NOL4: variants seen among roughly 807,000 people sequenced by gnomAD.
NOL4 encodes the protein nucleolar protein 4, also known as cancer/testis antigen 125.
Under a neutral mutation model 75.9 loss-of-function variants are expected in NOL4, and 17 were observed. The ratio of observed to expected loss-of-function variants is 0.22; its 90% CI spans 0.15 to 0.34. NOL4 has a LOEUF of 0.34. Among genes scored for constraint, NOL4 ranks in the 10% least tolerant of loss-of-function variants. NOL4 has a pLI of 1.00. For synonymous variants in NOL4, 292 were observed against 289.9 expected (o/e 1.01, Z -0.07); for missense variants, 614 against 793.5 (o/e 0.77, Z 2.72).
Position 33,860,156 on chromosome 18 carries a change from G to C in NOL4, c.1724-7121C>G, listed in dbSNP as rs565902284. Among the ~76,000 whole-genome samples, 10 of 152,106 alleles carry C rather than the reference G, an allele frequency of 6.6e-5. No individual in the cohort carries two copies. In the South Asian group the frequency reaches 2.1e-3, roughly 32 times the overall value. ...GTGAAAACTCACTATCATGAGAAAA[G>C]CATGGGGGAAACCACCCCCATGGTC... On this transcript the variant is annotated intron_variant, in intron 10 of 10. Coordinates refer to ENST00000261592, the MANE Select transcript of NOL4 (RefSeq NM_003787.5).
intron 6 of NOL4, among the ~76,000 whole-genome samples, chr18:33,962,593 T>G (rs2070238703): frequency 6.6e-6 from 1 of 152,202 alleles, no homozygotes; most frequent in Non-Finnish European, 1.5e-5. Context: ...AGAACAGATC[T>G]CTGACATTAA....
At chr18:33,904,187 G>A (rs1484568198) in intron 9 of NOL4, among the ~76,000 whole-genome samples, 2 of 152,058 alleles carry the variant, frequency 1.3e-5, no homozygotes, top group African/African-American at 4.8e-5. Flanking sequence ...AGTCATTTGG[G>A]TCTAACTCTC....
chr18:33,985,825 T>A (rs1600153714), intron 6 of NOL4, among the ~76,000 whole-genome samples: 2 of 152,248 alleles, frequency 1.3e-5, no homozygotes, highest in Admixed American at 1.3e-4. Flanking sequence ...AATGCAAAGT[T>A]CTGACTTCCT....
chr18:34,214,189 C>T (rs1256657469), intron 1 of NOL4, among the ~76,000 whole-genome samples: 3 of 152,020 alleles, frequency 2.0e-5, no homozygotes, highest in Non-Finnish European at 4.4e-5. Flanking sequence ...ATAAGGTATT[C>T]AAATTGGTAT....
rs758087568 is a variant in NOL4, at chr18:34,019,618, G to A, written c.773-17C>T. 2.5e-6 allele frequency: 4 copies of A among 1,600,342 alleles called. No homozygotes were observed. In the South Asian group the frequency reaches 4.5e-5, roughly 18 times the overall value. ...CAGAATCATCTGTTGGAAAGGAAAA[G>A]TTATATTTTGATTTTAATTAATATG... is the stretch of plus-strand genomic sequence containing the variant. On this transcript the variant is annotated splice_polypyrimidine_tract_variant and intron_variant, in intron 5 of 10. Coordinates refer to ENST00000261592, the MANE Select transcript of NOL4 (RefSeq NM_003787.5).
chr18:34,016,479 A>C (rs2074700528), intron 6 of NOL4, among the ~76,000 whole-genome samples: 1 of 152,036 alleles, frequency 6.6e-6, no homozygotes. Flanking sequence ...GAGCCGCTTT[A>C]TACTTCATCC....
intron 1 of NOL4, among the ~76,000 whole-genome samples, chr18:34,206,947 CCA>C (rs1335791844): frequency 6.6e-6 from 1 of 151,932 alleles, no homozygotes; most frequent in East Asian, 1.9e-4. Flanking sequence ...TCTATTGAGT[CCA>C]TGAATTTTAA....
At chr18:34,069,368 A>G (rs1388342472) in intron 5 of NOL4, among the ~76,000 whole-genome samples, 1 of 152,214 alleles carries the variant, frequency 6.6e-6, no homozygotes, top group Non-Finnish European at 1.5e-5. Flanking sequence ...AGATTGTAAA[A>G]TCAAGTGGAA....
intron 1 of NOL4, among the ~76,000 whole-genome samples, chr18:34,192,694 G>A (rs143275139): frequency 6.6e-6 from 1 of 152,278 alleles, no homozygotes; most frequent in African/African-American, 2.4e-5. Context: ...ATCTCACACT[G>A]CTATTGCTTA....
intron 9 of NOL4, among the ~76,000 whole-genome samples, chr18:33,907,063 C>A (rs2066094077): frequency 6.6e-6 from 1 of 152,048 alleles, no homozygotes; most frequent in South Asian, 2.1e-4. Context: ...GTGGCTCACG[C>A]CTGTAATCCC....
chr18:34,069,080 T>C (rs916017962), intron 5 of NOL4, among the ~76,000 whole-genome samples: 7 of 152,154 alleles, frequency 4.6e-5, no homozygotes, highest in Non-Finnish European at 8.8e-5. Flanking sequence ...AACTCAGTTA[T>C]TGAAATTAAC....
chr18:34,151,634 G>A (rs1367168813), intron 1 of NOL4, among the ~76,000 whole-genome samples: 1 of 151,766 alleles, frequency 6.6e-6, no homozygotes, highest in African/African-American at 2.4e-5. Flanking sequence ...GTAGATACAT[G>A]TCATTATACA....
At chr18:34,203,711 T>TCACACACACA (rs1271040642) in intron 1 of NOL4, among the ~76,000 whole-genome samples, 1 of 82,126 alleles carries the variant, frequency 1.2e-5, no homozygotes, top group African/African-American at 3.9e-5. Flanking sequence ...TCTCTCTCTC[T>TCACACACACA]CTCTCTCACA....
At chr18:34,204,781 A>T (rs2036004676) in intron 1 of NOL4, among the ~76,000 whole-genome samples, 1 of 152,154 alleles carries the variant, frequency 6.6e-6, no homozygotes, top group African/African-American at 2.4e-5. Flanking sequence ...GACAATACTA[A>T]GTAAAAAAGG....
chr18:34,039,031 T>C (rs923668847), intron 5 of NOL4, among the ~76,000 whole-genome samples: 31 of 152,114 alleles, frequency 2.0e-4, no homozygotes, highest in African/African-American at 7.5e-4. Flanking sequence ...AAGTATTATG[T>C]ATCAATAAAA....
intron 9 of NOL4, among the ~76,000 whole-genome samples, chr18:33,936,155 TA>T (rs1018010014): frequency 1.3e-5 from 2 of 151,988 alleles, no homozygotes; most frequent in Admixed American, 6.6e-5. Flanking sequence ...TAGATAGTTT[TA>T]AAAAAAAGTC....
chr18:34,115,703 T>C (rs2079821664), intron 2 of NOL4, among the ~76,000 whole-genome samples: 1 of 152,150 alleles, frequency 6.6e-6, no homozygotes, highest in African/African-American at 2.4e-5. Context: ...TGCATTTCCC[T>C]GAAGAACGGT....
intron 5 of NOL4, among the ~76,000 whole-genome samples, chr18:34,078,504 C>G (rs2077849249): frequency 6.6e-6 from 1 of 152,170 alleles, no homozygotes; most frequent in African/African-American, 2.4e-5. Context: ...TTCAACAGAT[C>G]AATTACTTCC....
chr18:34,020,069 C>T (rs2074950603), intron 5 of NOL4, among the ~76,000 whole-genome samples: 1 of 152,072 alleles, frequency 6.6e-6, no homozygotes, highest in African/African-American at 2.4e-5. Context: ...CAGAAGCCCT[C>T]ACCAGGAGTA....
Sources: gnomAD v4.1 joint callset for allele counts (sites outside exome capture counted in the v4.1 genomes callset) on GRCh38, gnomAD v4.1.1 for gene constraint, MANE v1.5 for transcripts, NCBI Gene and HGNC (gene_info 2026-07-23, HGNC 2026-07-21) for gene names.